KIF15: variants seen among roughly 807,000 people sequenced by gnomAD.
KIF15 encodes the protein kinesin family member 15.
Under a neutral mutation model 190.6 loss-of-function variants are expected in KIF15, and 140 were observed. That is an observed-to-expected ratio of 0.73 (90% CI 0.64 to 0.84). The LOEUF (loss-of-function observed/expected upper bound fraction) is 0.84, where lower values mean the gene tolerates loss of function less well. Among genes scored for constraint, KIF15 ranks in the 40% least tolerant of loss-of-function variants. The pLI, the probability that KIF15 is intolerant of heterozygous loss-of-function variation, is 0.00. For missense variants in KIF15, 1,372 were observed against 1,584.4 expected, an observed-to-expected ratio of 0.87 and a Z score of 2.28; for synonymous variants, 528 against 551.3, an observed-to-expected ratio of 0.96 and a Z score of 0.59.
At position 44,839,351 on chromosome 3, in the gene KIF15, C is replaced by T. The variant is rs376653809; in HGVS notation, c.3318+930C>T. ...TCGCGCCACTGCACTCCAGCCTGGG[C>T]GACAGAGAGAGACTCCATCTCAAAA... On this transcript the variant is annotated intron_variant, in intron 27 of 34. Transcript: ENST00000326047. Among the ~76,000 whole-genome samples the T allele has an allele frequency of 6.7e-5, 10 of 150,344 alleles. No individual in the cohort carries two copies. The South Asian group carries it at 1.1e-3, about 16-fold the overall frequency.
rs1553668724 is a variant in KIF15 at position 44,863,300 on chromosome 3, A to ACCCCG, written c.*60-10025_*60-10024insGCCCC. ...AGTAATAAGTATATTTAGATTCCGC[A>ACCCCG]CCCCCCCCCCCCGCCGCCTTGTCTC... On this transcript the variant is annotated intron_variant and NMD_transcript_variant, in intron 6 of 6. Coordinates refer to the KIF15 transcript ENST00000422209. 1.1e-4 allele frequency: 4 copies of ACCCCG among 35,060 alleles called. 1 individual carries two copies. Among genetic ancestry groups the ACCCCG allele is most frequent in the East Asian group, 2.9e-3 (1 of 348 alleles). 2.2% of individuals were successfully genotyped at this position (35,060 alleles called of 1,614,324 possible).
intron 6 of KIF15, chr3:44,864,289 C>G: frequency 6.2e-7 from 1 of 1,614,214 alleles, no homozygotes; most frequent in Non-Finnish European, 8.5e-7. Flanking sequence ...TCAGTTTCTC[C>G]ATGTCTTCAG....
intron 6 of KIF15, chr3:44,865,004 G>A (rs369514509): frequency 9.3e-6 from 15 of 1,610,350 alleles, no homozygotes; most frequent in Non-Finnish European, 1.3e-5. Flanking sequence ...CCCACCTGCT[G>A]AAGTTGAGTC....
chr3:44,794,389 G>A lies in KIF15; in HGVS notation c.812G>A (p.Arg271Lys). ...CTGGTGGATTTAGCAGGATCTGAAA[G>A]GCAAAAAGATACCCATGCAGAAGGG... ...LNLVDLAGSE[R>K]QKDTHAEGMR... The change falls in exon 8 of 35, where the codon AGG (arginine) becomes AAG (lysine). Residue 271 changes from arginine to lysine, a missense_variant. Transcript: ENST00000326047. 6.2e-7 allele frequency: 1 copy of A among 1,609,160 alleles called. No homozygotes were observed. Among genetic ancestry groups the A allele is most frequent in the Non-Finnish European group, 8.5e-7 (1 of 1,177,694 alleles).
rs764788641 is a variant in KIF15 at position 44,815,057 on chromosome 3, C to G, written c.2530C>G (p.Leu844Val). 1.9e-5 allele frequency: 30 copies of G among 1,597,272 alleles called. No individual in the cohort carries two copies. In the South Asian group the frequency reaches 3.0e-4, roughly 16 times the overall value. ...TTCCGAAAGACACATGCATGTACAG[C>G]TTCAATTAGATAATCTCAGGTAGAG... ...KLSERHMHVQ[L>V]QLDNLRLENE... The change falls in exon 20 of 35, where the codon CTT becomes GTT. Residue 844 changes from leucine (L) to valine (V), a missense_variant. Transcript: ENST00000326047.
At chr3:44,770,342 C>G (rs1020029423) in intron 1 of KIF15, among the ~76,000 whole-genome samples, 8 of 152,142 alleles carry the variant, frequency 5.3e-5, no homozygotes, top group African/African-American at 1.7e-4. Context: ...TGATGGAACT[C>G]TATTCCACAA....
intron 4 of KIF15, among the ~76,000 whole-genome samples, chr3:44,778,542 A>G (rs1706004678): frequency 6.6e-6 from 1 of 152,186 alleles, no homozygotes; most frequent in Non-Finnish European, 1.5e-5. Context: ...GACAGCAGCT[A>G]AAAAAGGTTT....
At chr3:44,855,949 G>A (rs765622226), downstream of KIF15, among the ~76,000 whole-genome samples, 25 of 152,104 alleles carry the variant, frequency 1.6e-4, no homozygotes, top group Non-Finnish European at 3.2e-4. Context: ...GCTTGGTGAG[G>A]TGTGTTTTTA....
chr3:44,821,409 G>A (rs1235854672), intron 20 of KIF15, among the ~76,000 whole-genome samples: 3 of 135,036 alleles, frequency 2.2e-5, no homozygotes, highest in African/African-American at 5.5e-5. Flanking sequence ...TTCTCAGACG[G>A]GGCGGTCGGG....
intron 26 of KIF15, among the ~76,000 whole-genome samples, chr3:44,836,427 T>G (rs540277503): frequency 6.6e-6 from 1 of 152,236 alleles, no homozygotes; most frequent in Non-Finnish European, 1.5e-5. Context: ...ATCTTGAGTT[T>G]ATGTGACTCT....
chr3:44,780,947 G>A lies in KIF15; in HGVS notation c.361+25G>A, dbSNP rs759767753. 4 of 1,551,538 alleles carry A rather than the reference G, an allele frequency of 2.6e-6. No homozygotes were observed. In the South Asian group the frequency reaches 3.4e-5, roughly 13 times the overall value. On this transcript the variant is annotated intron_variant, in intron 5 of 34. Coordinates refer to ENST00000326047, the MANE Select transcript of KIF15 (RefSeq NM_020242.3). Reference sequence around the variant, plus strand: ...GGTAAGTAAAGATTAACTTTTGTTGGCTTAATCTACTCTTTCTGTGATAAC... The same window carrying A: ...GGTAAGTAAAGATTAACTTTTGTTGACTTAATCTACTCTTTCTGTGATAAC...
chr3:44,776,096 A>T lies in KIF15; in HGVS notation c.246+659A>T, dbSNP rs865935475. 7.2e-3 allele frequency among the ~76,000 whole-genome samples: 1,083 copies of T among 150,962 alleles called. 12 individuals are homozygous for T. The highest frequency in any genetic ancestry group is 0.025 in the African/African-American group (1,036 of 41,172). ...CTCTGTCTCAAAAAAAAAAAAAAAA[A>T]TTTCTTTTCTGGGCTGGTCTCTTTT... On this transcript the variant is annotated intron_variant, in intron 3 of 34. Transcript: ENST00000326047.
intron 26 of KIF15, 74 bp from the exon 27 acceptor site, chr3:44,838,201 T>C (rs892824925): frequency 7.2e-5 from 106 of 1,463,322 alleles, no homozygotes; most frequent in Non-Finnish European, 9.5e-5. Context: ...TGTTAAAAGT[T>C]GTACATAGTA....
chr3:44,761,809 A>G lies in KIF15; in HGVS notation c.-57A>G. ...GGCGGAATTCAGTCGCGCGCGGTGC[A>G]GTCGGGAGGTGGAGGCACCGGCTGC... is the stretch of plus-strand genomic sequence containing the variant. On this transcript the variant is annotated 5_prime_UTR_variant, in exon 1 of 35. Transcript: ENST00000326047. 6 of 1,613,208 alleles carry G rather than the reference A, an allele frequency of 3.7e-6. No individual in the cohort carries two copies. Among genetic ancestry groups the G allele is most frequent in the Non-Finnish European group, 3.4e-6 (4 of 1,179,172 alleles).
Position 44,828,281 on chromosome 3 carries a change from A to G in KIF15, c.2924A>G (p.Lys975Arg), listed in dbSNP as rs768110481. 2.5e-6 allele frequency: 4 copies of G among 1,612,004 alleles called. No homozygotes were observed. The highest frequency in any genetic ancestry group is 3.4e-6 in the Non-Finnish European group (4 of 1,178,092). ...ATEKVISSLE[K>R]SRDSDKKVVA... ...GAAAAAGTGATCAGTTCCCTGGAAA[A>G]GTCTAGAGATTCTGATAAGGTTGGT... is the stretch of plus-strand genomic sequence containing the variant. Residue 975 changes from lysine (K) to arginine (R), a missense_variant, in exon 24 of 35, where the codon AAG becomes AGG. Transcript: ENST00000326047.
At chr3:44,826,900 C>T (rs569937378) in intron 22 of KIF15, 10 of 380,730 alleles carry the variant, frequency 2.6e-5, no homozygotes, top group South Asian at 2.0e-4. Context: ...AATCTTTGGG[C>T]CTCGGTCACT....
At chr3:44,819,731 G>T (rs983104758) in intron 20 of KIF15, among the ~76,000 whole-genome samples, 7 of 152,148 alleles carry the variant, frequency 4.6e-5, no homozygotes, top group Non-Finnish European at 7.3e-5. Flanking sequence ...GTTGATTTGG[G>T]GTGGAGAGTT....
intron 7 of KIF15, among the ~76,000 whole-genome samples, chr3:44,792,702 A>G (rs1706772135): frequency 6.6e-6 from 1 of 151,858 alleles, no homozygotes; most frequent in South Asian, 2.1e-4. Context: ...GCATGCCACC[A>G]CACCCGGCTA....
At chr3:44,847,721 C>T (rs1462358882) in intron 30 of KIF15, among the ~76,000 whole-genome samples, 1 of 152,206 alleles carries the variant, frequency 6.6e-6, no homozygotes, top group African/African-American at 2.4e-5. Flanking sequence ...TTACTTTCAA[C>T]CAATCCTTGA....
Sources: allele counts gnomAD v4.1 joint callset (sites outside exome capture counted in the v4.1 genomes callset), GRCh38; gene constraint gnomAD v4.1.1; transcripts MANE v1.5; gene names NCBI Gene and HGNC (gene_info 2026-07-23, HGNC 2026-07-21).